FBXO31: variants seen among roughly 807,000 people sequenced by gnomAD.
FBXO31 encodes F-box protein 31.
FBXO31 carries 24 observed loss-of-function variants against 54.4 expected under a neutral mutation model. The ratio of observed to expected loss-of-function variants is 0.44; its 90% CI spans 0.32 to 0.62. The LOEUF (loss-of-function observed/expected upper bound fraction) is 0.62. FBXO31 is among the 20% of genes least tolerant of loss of function. FBXO31 has a pLI of 0.05. For synonymous variants in FBXO31, 388 were observed against 335.6 expected, an observed-to-expected ratio of 1.16 and a Z score of -1.71; for missense variants, 665 against 787.1, an observed-to-expected ratio of 0.84 and a Z score of 1.86.
intron 1 of FBXO31, among the ~76,000 whole-genome samples, chr16:87,381,960 T>C (rs985550363): frequency 1.3e-5 from 2 of 150,704 alleles, no homozygotes; most frequent in East Asian, 2.0e-4. Context: ...GAGACGGAGG[T>C]TGCAGTGAGC....
rs1171362149 is a variant in FBXO31, at chr16:87,336,846, A to G, written c.733-582T>C. On this transcript the variant is annotated intron_variant, in intron 5 of 8. Transcript: ENST00000311635. This position sits in a 1 kb window ranked among gnomAD's most constrained non-coding sequence, Gnocchi z 6.5. ...CCGCAGCCCCACCAGTCCGCCCTGC[A>G]TTCTGCCATCACATGGTGCTGAGGA... Among the ~76,000 whole-genome samples the G allele has an allele frequency of 1.3e-5, 2 of 152,232 alleles. No homozygotes were observed. Among genetic ancestry groups the G allele is most frequent in the Admixed American group, 6.5e-5 (1 of 15,276 alleles).
At chr16:87,357,478 G>A (rs938229937) in intron 2 of FBXO31, among the ~76,000 whole-genome samples, 1 of 151,792 alleles carries the variant, frequency 6.6e-6, no homozygotes, top group African/African-American at 2.4e-5. Context: ...ACAAGCACAC[G>A]CCACCACACC....
At chr16:87,388,486 C>T (rs1907402948), upstream of FBXO31, among the ~76,000 whole-genome samples, 1 of 152,196 alleles carries the variant, frequency 6.6e-6, no homozygotes, top group Admixed American at 6.5e-5. Flanking sequence ...AAGCCGGTGG[C>T]CTCTCTCTTC....
chr16:87,360,165 A>C, intron 2 of FBXO31, 130 bp downstream of exon 2: 1 of 804,778 alleles, frequency 1.2e-6, no homozygotes, highest in Non-Finnish European at 2.1e-6. Context: ...TCTATTCAAA[A>C]TGTGACTGTA....
chr16:87,370,586 G>A (rs1413099242), intron 1 of FBXO31, among the ~76,000 whole-genome samples: 1 of 152,178 alleles, frequency 6.6e-6, no homozygotes, highest in East Asian at 1.9e-4. Context: ...GGGTGGGGAT[G>A]ACTGAGGAGG....
At chr16:87,378,986 T>C (rs1906953464) in intron 1 of FBXO31, among the ~76,000 whole-genome samples, 1 of 150,348 alleles carries the variant, frequency 6.7e-6, no homozygotes, top group African/African-American at 2.5e-5. Context: ...ACAAAATATA[T>C]AGATATAGAC....
Position 87,346,118 on chromosome 16 carries a change from G to A in FBXO31, c.489+1056C>T, listed in dbSNP as rs1024400615. Among the ~76,000 whole-genome samples, 3 of 152,194 alleles carry A rather than the reference G, an allele frequency of 2.0e-5. No homozygotes were observed. The highest frequency in any genetic ancestry group is 2.4e-5 in the African/African-American group (1 of 41,460). On this transcript the variant is annotated intron_variant, in intron 3 of 8. Coordinates refer to ENST00000311635, the MANE Select transcript of FBXO31 (RefSeq NM_024735.5). The surrounding 1 kb of genome is among the most constrained non-coding windows in gnomAD (Gnocchi z 4.2). Reference sequence around the variant, plus strand: ...GGGGATAGAGTCACGGACGGCCTCCGGCTGGGCCCTACAGAGGGTTGTGTC... The same window carrying A: ...GGGGATAGAGTCACGGACGGCCTCCAGCTGGGCCCTACAGAGGGTTGTGTC...
intron 2 of FBXO31, among the ~76,000 whole-genome samples, chr16:87,356,632 G>A (rs1255487287): frequency 6.6e-6 from 1 of 152,212 alleles, no homozygotes; most frequent in East Asian, 1.9e-4. Context: ...ACTACACGAA[G>A]GTCCCCTCAG....
chr16:87,381,933 G>A (rs1035945524), intron 1 of FBXO31, among the ~76,000 whole-genome samples: 3 of 151,928 alleles, frequency 2.0e-5, no homozygotes, highest in African/African-American at 7.3e-5. Context: ...TGATGCGGGA[G>A]AATCACTTGA....
Position 87,357,530 on chromosome 16 carries a change from G to C in FBXO31, c.412+2765C>G, listed in dbSNP as rs140301291. ...TTTTAGTAGAGATGAGTTTCACCAT[G>C]TTGGCCAGACAGGTCTCGAACTCCT... is the stretch of plus-strand genomic sequence containing the variant. On this transcript the variant is annotated intron_variant, in intron 2 of 8. Coordinates refer to ENST00000311635, the MANE Select transcript of FBXO31 (RefSeq NM_024735.5). Among the ~76,000 whole-genome samples the C allele has an allele frequency of 3.2e-4, 49 of 152,150 alleles. No individual in the cohort carries two copies. The East Asian group carries it at 9.2e-3, about 28-fold the overall frequency.
intron 1 of FBXO31, chr16:87,367,159 G>A (rs1250703530): frequency 1.3e-5 from 2 of 152,196 alleles, no homozygotes; most frequent in Admixed American, 6.5e-5. Flanking sequence ...AACACAGTGA[G>A]ACCCTGTCTC....
At chr16:87,359,029 C>A (rs1165660123) in intron 2 of FBXO31, among the ~76,000 whole-genome samples, 1 of 152,156 alleles carries the variant, frequency 6.6e-6, no homozygotes, top group Non-Finnish European at 1.5e-5. Flanking sequence ...CACCTGTTCC[C>A]AAAGCTAAGT....
upstream of FBXO31, chr16:87,385,949 T>C (rs1007015511): frequency 6.6e-6 from 1 of 151,688 alleles, no homozygotes; most frequent in African/African-American, 2.4e-5. Flanking sequence ...AGGTGGAGGT[T>C]GCAGTGAGCC....
At chr16:87,386,391 G>A (rs1386932832), upstream of FBXO31, among the ~76,000 whole-genome samples, 1 of 152,232 alleles carries the variant, frequency 6.6e-6, no homozygotes, top group Non-Finnish European at 1.5e-5. Flanking sequence ...CAGATGAATT[G>A]TATGCAGGAC....
At position 87,383,761 on chromosome 16, in the gene FBXO31, C is replaced by G; in HGVS notation, c.-17G>C. ...CACCGCCATGCCGCCCAGTGACGGC[C>G]ACTGCTGCCGCCTGTGCGCACGCTC... On this transcript the variant is annotated 5_prime_UTR_variant, in exon 1 of 9. Transcript: ENST00000311635. This position sits in a 1 kb window ranked among gnomAD's most constrained non-coding sequence, Gnocchi z 4.9. The G allele has an allele frequency of 9.2e-6, 11 of 1,195,732 alleles. No homozygotes were observed. The South Asian group carries it at 3.9e-4, about 43-fold the overall frequency. 74.1% of individuals were successfully genotyped at this position (1,195,732 alleles called of 1,614,324 possible).
chr16:87,379,001 A>C (rs1339992829), intron 1 of FBXO31, among the ~76,000 whole-genome samples: 1 of 152,092 alleles, frequency 6.6e-6, no homozygotes, highest in South Asian at 2.1e-4. Context: ...ATAGACATAG[A>C]TATAGATATA....
chr16:87,383,813 G>T, upstream of FBXO31: 2 of 1,081,666 alleles, frequency 1.8e-6, no homozygotes, highest in South Asian at 4.5e-5. This position sits in a 1 kb window ranked among gnomAD's most constrained non-coding sequence, Gnocchi z 4.9. Flanking sequence ...CGCCAGCGCC[G>T]AGCCACGCCC....
chr16:87,383,971 G>T (rs1019137784), upstream of FBXO31: 9 of 248,660 alleles, frequency 3.6e-5, no homozygotes, highest in Non-Finnish European at 5.3e-5. This position sits in a 1 kb window ranked among gnomAD's most constrained non-coding sequence, Gnocchi z 4.9. Flanking sequence ...GGCGCCGCCC[G>T]TGACGGGCAT....
At chr16:87,340,197 G>A (rs1359559875) in intron 5 of FBXO31, among the ~76,000 whole-genome samples, 3 of 152,212 alleles carry the variant, frequency 2.0e-5, no homozygotes, top group Non-Finnish European at 4.4e-5. Flanking sequence ...TGAGGCAGGA[G>A]AATCACCTGA....
Sources: allele counts gnomAD v4.1 joint callset (sites outside exome capture counted in the v4.1 genomes callset), GRCh38; gene constraint gnomAD v4.1.1; non-coding constraint Gnocchi (gnomAD v3.1); transcripts MANE v1.5; gene names NCBI Gene and HGNC (gene_info 2026-07-23, HGNC 2026-07-21).